NKAIN2: variants seen among roughly 807,000 people sequenced by gnomAD.
NKAIN2 encodes sodium/potassium-transporting ATPase subunit beta-1-interacting protein 2.
A neutral mutation model predicts 32.6 loss-of-function variants in NKAIN2; 14 were observed. That is an observed-to-expected ratio of 0.43 (90% confidence interval 0.28 to 0.67). The LOEUF is 0.67. NKAIN2 is among the 30% of genes least tolerant of loss of function. The pLI is 0.17. For synonymous variants in NKAIN2, 80 were observed against 87.2 expected, an observed-to-expected ratio of 0.92 and a Z score of 0.46; for missense variants, 198 against 258.3, an observed-to-expected ratio of 0.77 and a Z score of 1.60.
At chr6:124,521,681 C>T (rs936634461) in intron 3 of NKAIN2, among the ~76,000 whole-genome samples, 4 of 152,018 alleles carry the variant, frequency 2.6e-5, no homozygotes, top group African/African-American at 4.8e-5. Flanking sequence ...TCTTTTCATG[C>T]GTAATTGATG....
intron 1 of NKAIN2, among the ~76,000 whole-genome samples, chr6:124,026,146 T>C (rs910107967): frequency 6.6e-6 from 1 of 152,186 alleles, no homozygotes; most frequent in Non-Finnish European, 1.5e-5. Flanking sequence ...TTAGCATAAA[T>C]GTACAGTTTG....
At chr6:124,256,888 T>TTTA (rs1554273619) in intron 1 of NKAIN2, among the ~76,000 whole-genome samples, 1 of 102,858 alleles carries the variant, frequency 9.7e-6, no homozygotes, top group African/African-American at 5.5e-5. Context: ...TTCTGTTGTT[T>TTTA]TTTTTTTTTT....
intron 1 of NKAIN2, among the ~76,000 whole-genome samples, chr6:124,222,802 T>C (rs890961966): frequency 1.2e-4 from 18 of 152,150 alleles, no homozygotes; most frequent in African/African-American, 4.1e-4. Context: ...TGCTAAGTCA[T>C]GTAGAACATG....
chr6:124,518,911 C>T (rs535924), intron 3 of NKAIN2, among the ~76,000 whole-genome samples: 68,528 of 151,994 alleles, frequency 0.45, 17,631 homozygotes, highest in South Asian at 0.58. Context: ...TACTTTAGAA[C>T]ATGTGAGGTA....
chr6:123,831,048 A>G (rs1324523251), intron 1 of NKAIN2, among the ~76,000 whole-genome samples: 3 of 152,216 alleles, frequency 2.0e-5, no homozygotes, highest in Non-Finnish European at 4.4e-5. Context: ...AGTCTTGCAA[A>G]GGTCAGAGCA....
intron 1 of NKAIN2, among the ~76,000 whole-genome samples, chr6:124,175,158 C>G (rs1287332410): frequency 6.6e-6 from 1 of 152,092 alleles, no homozygotes; most frequent in Non-Finnish European, 1.5e-5. Context: ...TTTCTTTGCA[C>G]TTTACTTCTG....
intron 5 of NKAIN2, among the ~76,000 whole-genome samples, chr6:124,809,971 A>T (rs1160927028): frequency 1.3e-5 from 2 of 152,198 alleles, no homozygotes; most frequent in African/African-American, 4.8e-5. Flanking sequence ...AATCATTAAA[A>T]AGTCAGGAAA....
At chr6:124,721,297 G>A (rs944585850) in intron 4 of NKAIN2, among the ~76,000 whole-genome samples, 48 of 151,638 alleles carry the variant, frequency 3.2e-4, no homozygotes, top group Admixed American at 2.6e-3. Flanking sequence ...CCAGCTACTC[G>A]GGAGGCTGAG....
chr6:123,824,603 A>C (rs1190788793), intron 1 of NKAIN2, among the ~76,000 whole-genome samples: 1 of 152,050 alleles, frequency 6.6e-6, no homozygotes, highest in Non-Finnish European at 1.5e-5. Context: ...GCATTAGGAC[A>C]AATACCTAAT....
chr6:123,919,899 T>A (rs116272968), intron 1 of NKAIN2, among the ~76,000 whole-genome samples: 131 of 152,260 alleles, frequency 8.6e-4, no homozygotes, highest in African/African-American at 3.0e-3. Flanking sequence ...GGACTTAATA[T>A]GTTTTTGCTC....
At chr6:124,032,152 G>A (rs1781432139) in intron 1 of NKAIN2, among the ~76,000 whole-genome samples, 1 of 150,894 alleles carries the variant, frequency 6.6e-6, no homozygotes, top group Non-Finnish European at 1.5e-5. Context: ...TCTGAGCAAA[G>A]TATCACAAGG....
At chr6:124,689,722 T>G (rs1401337795) in intron 4 of NKAIN2, among the ~76,000 whole-genome samples, 1 of 152,124 alleles carries the variant, frequency 6.6e-6, no homozygotes, top group Non-Finnish European at 1.5e-5. Context: ...AAGACTATTC[T>G]TCCCCTATTG....
chr6:124,042,724 T>C (rs1430182066), intron 1 of NKAIN2, among the ~76,000 whole-genome samples: 3 of 152,046 alleles, frequency 2.0e-5, no homozygotes, highest in Admixed American at 6.6e-5. Context: ...CAGGAATAAA[T>C]AGTATGCTCA....
At chr6:124,422,982 C>T (rs184165956) in intron 3 of NKAIN2, among the ~76,000 whole-genome samples, 50 of 152,182 alleles carry the variant, frequency 3.3e-4, no homozygotes, top group African/African-American at 8.9e-4. Context: ...AACTAATTCC[C>T]GAGATAAAAA....
At chr6:124,260,783 T>C (rs1365948265) in intron 1 of NKAIN2, among the ~76,000 whole-genome samples, 2 of 152,182 alleles carry the variant, frequency 1.3e-5, no homozygotes, top group Admixed American at 6.5e-5. Flanking sequence ...AAGTCTCTAA[T>C]ATATGAGCTA....
chr6:124,012,142 T>C (rs1048115585), intron 1 of NKAIN2, among the ~76,000 whole-genome samples: 11 of 152,018 alleles, frequency 7.2e-5, no homozygotes, highest in Non-Finnish European at 1.0e-4. Context: ...ATCATTACCA[T>C]AATCAAGATA....
intron 4 of NKAIN2, among the ~76,000 whole-genome samples, chr6:124,683,618 C>T (rs1437107724): frequency 2.0e-5 from 3 of 152,100 alleles, no homozygotes; most frequent in Non-Finnish European, 4.4e-5. Flanking sequence ...CTCCAGGGTG[C>T]GTGCTTGACC....
chr6:124,217,376 A>C (rs991452814), intron 1 of NKAIN2, among the ~76,000 whole-genome samples: 1 of 152,128 alleles, frequency 6.6e-6, no homozygotes, highest in African/African-American at 2.4e-5. Context: ...TTTAAAGCTC[A>C]TCTACATGGT....
At chr6:124,592,722 T>TA (rs1175604273) in intron 3 of NKAIN2, among the ~76,000 whole-genome samples, 2 of 152,218 alleles carry the variant, frequency 1.3e-5, no homozygotes, top group African/African-American at 4.8e-5. Context: ...TCTTATCATG[T>TA]AGTGGTTAAG....
Sources: allele counts gnomAD v4.1 joint callset (sites outside exome capture counted in the v4.1 genomes callset), GRCh38; gene constraint gnomAD v4.1.1; transcripts MANE v1.5; gene names NCBI Gene and HGNC (gene_info 2026-07-23, HGNC 2026-07-21).